HMGB1: variants seen among roughly 807,000 people sequenced by gnomAD.
The protein encoded by HMGB1 is high mobility group box 1.
For synonymous variants in HMGB1, 81 were observed against 84.0 expected (o/e 0.96, Z 0.19); for missense variants, 79 against 253.5 (o/e 0.31, Z 4.67).
intron 1 of HMGB1, among the ~76,000 whole-genome samples, chr13:30,586,380 G>GT (rs1174121903): frequency 4.7e-5 from 7 of 149,350 alleles, no homozygotes; most frequent in Non-Finnish European, 3.0e-5. Flanking sequence ...ACTGAACCTA[G>GT]TTTTTTTCTC....
Position 30,465,868 on chromosome 13 carries a change from A to T in HMGB1, c.-87T>A. ...CCCCGGTGCTGTCTCTATGGAGCTC[A>T]ATGTACTGCAATGGCTGTGAGAGCG... On this transcript the variant is annotated 5_prime_UTR_variant, in exon 1 of 5. It introduces an in-frame stop codon into an upstream open reading frame of the 5' UTR. Coordinates refer to ENST00000341423, the MANE Select transcript of HMGB1 (RefSeq NM_002128.7). 1.5e-5 allele frequency: 15 copies of T among 985,722 alleles called. No individual in the cohort carries two copies. The highest frequency in any genetic ancestry group is 1.8e-5 in the Non-Finnish European group (15 of 829,804). 61.1% of individuals were successfully genotyped at this position (985,722 alleles called of 1,614,324 possible).
chr13:30,487,756 T>C (rs1887395684), intron 1 of HMGB1, among the ~76,000 whole-genome samples: 1 of 152,196 alleles, frequency 6.6e-6, no homozygotes, highest in African/African-American at 2.4e-5. Flanking sequence ...GAAAACAGTA[T>C]TGCTTGCTTA....
intron 1 of HMGB1, among the ~76,000 whole-genome samples, chr13:30,476,186 CAG>C (rs36101877): frequency 0.35 from 50,503 of 144,082 alleles, 8,761 homozygotes; most frequent in Middle Eastern, 0.48. Context: ...TATTTTGAGA[CAG>C]AGTCTTACTC....
At position 30,461,464 on chromosome 13, in the gene HMGB1, T is replaced by C. The variant is rs201813276; in HGVS notation, c.541A>G (p.Ser181Gly). The change falls in exon 5 of 5, where the codon AGC becomes GGC. Residue 181 changes from serine (S) to glycine (G), a missense_variant. Physicochemically the swap from Ser to Gly is moderately conservative, Grantham distance 56 (BLOSUM62 0). Coordinates refer to ENST00000341423, the MANE Select transcript of HMGB1 (RefSeq NM_002128.7). ...AKKGVVKAEK[S>G]KKKKEEEEDE... ...TCCTCCTCTTCCTTCTTTTTCTTGC[T>C]TTTTTCAGCCTTGACAACTCCCTTT... 3,081 of 1,559,298 alleles carry C rather than the reference T, an allele frequency of 2.0e-3. 6 individuals carry two copies. The highest frequency in any genetic ancestry group is 4.8e-3 in the Middle Eastern group (23 of 4,760).
At chr13:30,494,111 A>T (rs1887558892) in intron 1 of HMGB1, among the ~76,000 whole-genome samples, 1 of 152,130 alleles carries the variant, frequency 6.6e-6, no homozygotes, top group African/African-American at 2.4e-5. Context: ...TTGGCAGGCC[A>T]CTCAAACTTC....
chr13:30,609,033 G>C (rs1036594097), intron 1 of HMGB1, among the ~76,000 whole-genome samples: 50 of 139,562 alleles, frequency 3.6e-4, no homozygotes, highest in African/African-American at 1.2e-3. Context: ...AGGCCAAGGC[G>C]GGTGGATCAC....
chr13:30,470,020 C>T (rs1274607968), upstream of HMGB1, among the ~76,000 whole-genome samples: 1 of 152,072 alleles, frequency 6.6e-6, no homozygotes, highest in Non-Finnish European at 1.5e-5. Context: ...TCAAGTGATC[C>T]TCCTACCTTG....
chr13:30,463,970 G>T (rs1008306104), intron 1 of HMGB1: 3 of 410,936 alleles, frequency 7.3e-6, no homozygotes, highest in Non-Finnish European at 1.1e-5. Context: ...CTATCCGCCC[G>T]AGTCTGCTCT....
At chr13:30,563,050 T>C (rs1870030351) in intron 1 of HMGB1, among the ~76,000 whole-genome samples, 1 of 152,230 alleles carries the variant, frequency 6.6e-6, no homozygotes, top group Non-Finnish European at 1.5e-5. Flanking sequence ...AGCACAGGGC[T>C]TTAAGCCTCA....
At chr13:30,586,538 A>AGTGCAGTGG (rs1362624788) in intron 1 of HMGB1, among the ~76,000 whole-genome samples, 3 of 120,530 alleles carry the variant, frequency 2.5e-5, no homozygotes, top group Non-Finnish European at 4.8e-5. Flanking sequence ...CCCAGGCTGG[A>AGTGCAGTGG]GTGCAGTGGT....
chr13:30,563,056 C>G (rs1870030687), intron 1 of HMGB1, among the ~76,000 whole-genome samples: 1 of 152,164 alleles, frequency 6.6e-6, no homozygotes, highest in Admixed American at 6.5e-5. Context: ...GGGCTTTAAG[C>G]CTCAAGTACT....
intron 1 of HMGB1, among the ~76,000 whole-genome samples, chr13:30,560,938 T>C (rs1170851207): frequency 1.3e-5 from 2 of 150,098 alleles, no homozygotes; most frequent in Admixed American, 1.3e-4. Context: ...ACAGGTTATA[T>C]ATGTTTTTTT....
chr13:30,474,580 C>A (rs879401398), intron 1 of HMGB1, among the ~76,000 whole-genome samples: 4 of 152,054 alleles, frequency 2.6e-5, no homozygotes, highest in Non-Finnish European at 5.9e-5. Flanking sequence ...GACCCACAGA[C>A]GTTTCATTCG....
At chr13:30,486,550 A>G (rs747019255) in intron 1 of HMGB1, among the ~76,000 whole-genome samples, 44 of 152,188 alleles carry the variant, frequency 2.9e-4, no homozygotes, top group Non-Finnish European at 5.4e-4. Context: ...AGTGGAAAAT[A>G]TCTTAAGTAT....
chr13:30,592,057 A>G (rs1871393827), intron 1 of HMGB1, among the ~76,000 whole-genome samples: 1 of 152,190 alleles, frequency 6.6e-6, no homozygotes, highest in African/African-American at 2.4e-5. Context: ...TGTCAAAATT[A>G]GCTTATTTAG....
chr13:30,563,064 A>G (rs974955098), intron 1 of HMGB1, among the ~76,000 whole-genome samples: 14 of 152,224 alleles, frequency 9.2e-5, no homozygotes, highest in Non-Finnish European at 7.3e-5. Context: ...AGCCTCAAGT[A>G]CTGTTAACAG....
At chr13:30,486,610 C>G (rs926758093) in intron 1 of HMGB1, among the ~76,000 whole-genome samples, 2 of 152,158 alleles carry the variant, frequency 1.3e-5, no homozygotes, top group South Asian at 4.1e-4. Flanking sequence ...AGCAGGGGAA[C>G]CTGTTGGACA....
At chr13:30,565,309 G>T (rs779848857) in intron 1 of HMGB1, among the ~76,000 whole-genome samples, 2 of 152,102 alleles carry the variant, frequency 1.3e-5, no homozygotes, top group Non-Finnish European at 2.9e-5. Context: ...CTGTCTCACC[G>T]CCCACTTTTA....
At chr13:30,599,917 T>C (rs1448270013) in intron 1 of HMGB1, among the ~76,000 whole-genome samples, 3 of 152,218 alleles carry the variant, frequency 2.0e-5, no homozygotes, top group East Asian at 3.8e-4. Context: ...ATTTATAGTA[T>C]AGTAACTGCA....
Sources: allele counts gnomAD v4.1 joint callset (sites outside exome capture counted in the v4.1 genomes callset), GRCh38; gene constraint gnomAD v4.1.1; transcripts MANE v1.5; gene names NCBI Gene and HGNC (gene_info 2026-07-23, HGNC 2026-07-21).